Variants in NPRL2 observed in about 807,000 individuals in gnomAD.
The protein encoded by NPRL2 is NPR2 like, GATOR1 complex subunit.
NPRL2 carries 21 observed loss-of-function variants against 51.1 expected under a neutral mutation model. The observed-to-expected ratio is 0.41, with a 90% CI of 0.29 to 0.59. NPRL2 has a LOEUF of 0.59. Ranked by LOEUF, NPRL2 falls within the 20% of genes least tolerant of loss-of-function variation. The probability of loss-of-function intolerance (pLI) is 0.29; values close to 1 mark genes in which losing one functional copy is unlikely to be tolerated. For missense variants in NPRL2, 376 were observed against 483.4 expected, an observed-to-expected ratio of 0.78 and a Z score of 2.08; for synonymous variants, 175 against 187.8, an observed-to-expected ratio of 0.93 and a Z score of 0.56.
rs1036496775 is a variant in NPRL2 at position 50,347,636 on chromosome 3, A to G, written c.1113T>C (p.Asn371=). The G allele has an allele frequency of 8.7e-6, 14 of 1,613,924 alleles. No homozygotes were observed. Among genetic ancestry groups the G allele is most frequent in the Admixed American group, 3.3e-5 (2 of 59,998 alleles). The change falls in exon 11 of 11, where the codon AAT becomes AAC. Residue 371 remains asparagine, a synonymous_variant. Coordinates refer to ENST00000232501, the MANE Select transcript of NPRL2 (RefSeq NM_006545.5). ...SYHELDERLE[N]DPNIIICWK is the part of the protein sequence containing the mutation. ...TCCAGCAGATGATGATGTTGGGGTC[A>G]TTTTCAAGCCGCTCATCCAGCTCAT...
Position 50,347,544 on chromosome 3 carries a change from T to C in NPRL2, c.*62A>G. On this transcript the variant is annotated 3_prime_UTR_variant, in exon 11 of 11. Transcript: ENST00000232501. ...ACTAAGAGTCAACCTCTAGACAGTA[T>C]GACAAGCCTCCTAGTAGGAGGGACT... The C allele has an allele frequency of 1.3e-6, 2 of 1,590,574 alleles. No individual in the cohort carries two copies. The highest frequency in any genetic ancestry group is 1.4e-5 in the African/African-American group (1 of 73,464).
intron 9 of NPRL2, 61 bp from the exon 10 acceptor site, chr3:50,347,962 A>G: frequency 6.2e-6 from 10 of 1,608,458 alleles, no homozygotes; most frequent in Non-Finnish European, 8.5e-6. Context: ...AGGCAGGCCA[A>G]CCCTTTCCTG....
Position 50,350,627 on chromosome 3 carries a change from C to G in NPRL2, c.26G>C (p.Cys9Ser). 1 of 1,608,960 alleles carries G rather than the reference C, an allele frequency of 6.2e-7. No individual in the cohort carries two copies. Among genetic ancestry groups the G allele is most frequent in the South Asian group, 1.1e-5 (1 of 90,170 alleles). MGSGCRIE[C>S]IFFSEFHPTL... ...GGGGTGGAACTCGCTGAAGAATATG[C>G]ATTCGATGCGGCAGCCGCTGCCCAT... Residue 9 changes from cysteine (C) to serine (S), a missense_variant, in exon 1 of 11, where the codon TGC (cysteine) becomes TCC (serine). Coordinates refer to ENST00000232501, the MANE Select transcript of NPRL2 (RefSeq NM_006545.5). This position sits in a 1 kb window ranked among gnomAD's most constrained non-coding sequence, Gnocchi z 5.7.
chr3:50,349,219 C>G lies in NPRL2; in HGVS notation c.448+167G>C, dbSNP rs898879186. On this transcript the variant is annotated intron_variant, in intron 4 of 10. Transcript: ENST00000232501. The surrounding 1 kb of genome is among the most constrained non-coding windows in gnomAD (Gnocchi z 4.6). The stretch of plus-strand genomic sequence containing the variant: ...GAGAGCTCTGCTTTCCCCCTACCCC[C>G]AGTCCCAGCTCCATCATGCATTGGA... The G allele has an allele frequency of 2.4e-6, 2 of 833,060 alleles. No homozygotes were observed. Among genetic ancestry groups the G allele is most frequent in the African/African-American group, 3.4e-5 (2 of 58,898 alleles). The allele number at this position is 833,060 out of a possible 1,614,324, so 51.6% of individuals were successfully genotyped here.
Position 50,350,492 on chromosome 3 carries a change from C to T in NPRL2, c.78+83G>A. 3 of 1,376,592 alleles carry T rather than the reference C, an allele frequency of 2.2e-6. No homozygotes were observed. The highest frequency in any genetic ancestry group is 3.0e-6 in the Non-Finnish European group (3 of 996,162). 85.3% of individuals were successfully genotyped at this position (1,376,592 alleles called of 1,614,324 possible). A position where few individuals can be genotyped will look rare whatever the true frequency, so the allele number is the denominator to read the frequency against. On this transcript the variant is annotated intron_variant, in intron 1 of 10. Transcript: ENST00000232501. This position sits in a 1 kb window ranked among gnomAD's most constrained non-coding sequence, Gnocchi z 5.7. ...TGAAGCAGCATGCCTGCGTGCAGCA[C>T]GGGAAACTACTGCCTTCAGGCAGCC...
At position 50,348,116 on chromosome 3, in the gene NPRL2, C is replaced by G; in HGVS notation, c.932+8G>C. 1 of 1,613,804 alleles carries G rather than the reference C, an allele frequency of 6.2e-7. No homozygotes were observed. Among genetic ancestry groups the G allele is most frequent in the South Asian group, 1.1e-5 (1 of 91,074 alleles). ...ACTCCCAAATGCCCCAGCAAATTCT[C>G]CTCTGACCGTTCATCAACATGCTGC... On this transcript the variant is annotated splice_region_variant and intron_variant, in intron 9 of 10. Transcript: ENST00000232501. The surrounding 1 kb of genome is among the most constrained non-coding windows in gnomAD (Gnocchi z 5.8).
Position 50,349,213 on chromosome 3 carries a change from T to G in NPRL2, c.448+173A>C, listed in dbSNP as rs1703663705. 2.4e-6 allele frequency: 2 copies of G among 830,808 alleles called. No homozygotes were observed. Among genetic ancestry groups the G allele is most frequent in the Non-Finnish European group, 1.9e-6 (1 of 531,860 alleles). 51.5% of individuals were successfully genotyped at this position (830,808 alleles called of 1,614,324 possible). On this transcript the variant is annotated intron_variant, in intron 4 of 10. Coordinates refer to ENST00000232501, the MANE Select transcript of NPRL2 (RefSeq NM_006545.5). This position sits in a 1 kb window ranked among gnomAD's most constrained non-coding sequence, Gnocchi z 4.6. ...GAGCTGGAGAGCTCTGCTTTCCCCC[T>G]ACCCCCAGTCCCAGCTCCATCATGC...
chr3:50,347,772 G>C lies in NPRL2; in HGVS notation c.1062C>G (p.Ile354Met). Reference protein sequence around the residue: ...LYTGCHSYDEICCKTGMSYHE... With the variant: ...LYTGCHSYDEMCCKTGMSYHE... ...GCCTGCCTCCACCTGTCTTGCAGCA[G>C]ATCTCGTCATAGCTGTGGCAGCCTG... Residue 354 changes from isoleucine (I) to methionine (M), a missense_variant, in exon 10 of 11, where the codon ATC (isoleucine) becomes ATG (methionine). Physicochemically the swap from Ile to Met is conservative, Grantham distance 10 (BLOSUM62 1). Transcript: ENST00000232501. 6 of 1,613,954 alleles carry C rather than the reference G, an allele frequency of 3.7e-6. No individual in the cohort carries two copies. Among genetic ancestry groups the C allele is most frequent in the Non-Finnish European group, 5.1e-6 (6 of 1,180,044 alleles).
Position 50,348,128 on chromosome 3 carries a change from C to G in NPRL2, c.928G>C (p.Glu310Gln), listed in dbSNP as rs763049005. 1.2e-5 allele frequency: 19 copies of G among 1,613,980 alleles called. No individual in the cohort carries two copies. Among genetic ancestry groups the G allele is most frequent in the Non-Finnish European group, 1.6e-5 (19 of 1,179,990 alleles). The change falls in exon 9 of 11, where the codon GAA becomes CAA. Residue 310 changes from glutamate (E) to glutamine (Q), a missense_variant. Coordinates refer to ENST00000232501, the MANE Select transcript of NPRL2 (RefSeq NM_006545.5). The surrounding 1 kb of genome is among the most constrained non-coding windows in gnomAD (Gnocchi z 5.8). ...RHPQQLQHVD[E>Q]RKLIQFGLMK... is the part of the protein sequence containing the mutation. ...CCCAGCAAATTCTCCTCTGACCGTT[C>G]ATCAACATGCTGCAGCTGCTGGGGG...
Position 50,348,145 on chromosome 3 carries a change from T to G in NPRL2, c.911A>C (p.Gln304Pro). The G allele has an allele frequency of 6.2e-7, 1 of 1,613,984 alleles. No individual in the cohort carries two copies. Among genetic ancestry groups the G allele is most frequent in the South Asian group, 1.1e-5 (1 of 91,088 alleles). The change falls in exon 9 of 11, where the codon CAG becomes CCG. Residue 304 changes from glutamine (Q) to proline (P), a missense_variant. Coordinates refer to ENST00000232501, the MANE Select transcript of NPRL2 (RefSeq NM_006545.5). This position sits in a 1 kb window ranked among gnomAD's most constrained non-coding sequence, Gnocchi z 5.8. The stretch of plus-strand genomic sequence containing the variant: ...TGACCGTTCATCAACATGCTGCAGC[T>G]GCTGGGGGTGGCGGCCAATGAGGTC... ...VRDLIGRHPQQLQHVDERKLI... is the reference protein window; with the variant it reads ...VRDLIGRHPQPLQHVDERKLI...
rs1281925678 is a variant in NPRL2 at position 50,349,713 on chromosome 3, G to C, written c.291C>G (p.Ala97=). ...FVCDAQAKTC[A]LEPIVKKLAG... ...CCAGCTTTTTAACAATGGGCTCGAGGGCGCAGGTCTTGGCCTGGGCATCAC... is the reference window on the plus strand; with the variant it reads ...CCAGCTTTTTAACAATGGGCTCGAGCGCGCAGGTCTTGGCCTGGGCATCAC... Residue 97 remains alanine, a synonymous_variant, in exon 3 of 11, where the codon GCC becomes GCG. Transcript: ENST00000232501. This position sits in a 1 kb window ranked among gnomAD's most constrained non-coding sequence, Gnocchi z 4.6. 6.2e-7 allele frequency: 1 copy of C among 1,613,898 alleles called. No homozygotes were observed.
rs747558141 is a variant in NPRL2 at position 50,349,635 on chromosome 3, C to T, written c.339+30G>A. 16 of 1,602,406 alleles carry T rather than the reference C, an allele frequency of 1.0e-5. No individual in the cohort carries two copies. The highest frequency in any genetic ancestry group is 6.7e-5 in the African/African-American group (5 of 74,632). On this transcript the variant is annotated intron_variant, in intron 3 of 10. Coordinates refer to ENST00000232501, the MANE Select transcript of NPRL2 (RefSeq NM_006545.5). The surrounding 1 kb of genome is among the most constrained non-coding windows in gnomAD (Gnocchi z 4.6). Reference sequence around the variant, plus strand: ...GAACACCTTCCCCAACTCTGCCTGTCGGTAAACCCAAGCCCATCTCATTGC... The same window carrying T: ...GAACACCTTCCCCAACTCTGCCTGTTGGTAAACCCAAGCCCATCTCATTGC...
intron 9 of NPRL2, 72 bp from the exon 10 acceptor site, chr3:50,347,973 T>C: frequency 6.2e-7 from 1 of 1,604,408 alleles, no homozygotes; most frequent in Non-Finnish European, 8.5e-7. Flanking sequence ...CCCTTTCCTG[T>C]AGTCTCCCTT....
At position 50,348,862 on chromosome 3, in the gene NPRL2, G is replaced by A. The variant is rs1703649249; in HGVS notation, c.585+12C>T. 3 of 1,613,994 alleles carry A rather than the reference G, an allele frequency of 1.9e-6. No individual in the cohort carries two copies. The highest frequency in any genetic ancestry group is 2.5e-6 in the Non-Finnish European group (3 of 1,179,966). ...AGCCCCAGGTGATGATACCCAGGGAGGGATGGCATACTTGTTGTGTAGTGA... is the reference window on the plus strand; with the variant it reads ...AGCCCCAGGTGATGATACCCAGGGAAGGATGGCATACTTGTTGTGTAGTGA... On this transcript the variant is annotated intron_variant, in intron 5 of 10. Coordinates refer to ENST00000232501, the MANE Select transcript of NPRL2 (RefSeq NM_006545.5). The surrounding 1 kb of genome is among the most constrained non-coding windows in gnomAD (Gnocchi z 5.8).
In NPRL2 at chr3:50,348,037, G is replaced by A. The variant is rs746503690; in HGVS notation, c.932+87C>T. 2.8e-5 allele frequency: 45 copies of A among 1,583,548 alleles called. No homozygotes were observed. Among genetic ancestry groups the A allele is most frequent in the African/African-American group, 9.4e-5 (7 of 74,298 alleles). Reference sequence around the variant, plus strand: ...CAGGAAGCCTGCTTGGATTGGCAGTGCCCCATGATCCAGGGCTCCTGAGAG... The same window carrying A: ...CAGGAAGCCTGCTTGGATTGGCAGTACCCCATGATCCAGGGCTCCTGAGAG... On this transcript the variant is annotated intron_variant, in intron 9 of 10. Transcript: ENST00000232501. The surrounding 1 kb of genome is among the most constrained non-coding windows in gnomAD (Gnocchi z 5.8).
chr3:50,349,658 T>C lies in NPRL2; in HGVS notation c.339+7A>G. Reference sequence around the variant, plus strand: ...GTCGGTAAACCCAAGCCCATCTCATTGCAGACCTCTAGTGTGGTCAGATAG... The same window carrying C: ...GTCGGTAAACCCAAGCCCATCTCATCGCAGACCTCTAGTGTGGTCAGATAG... On this transcript the variant is annotated splice_region_variant and intron_variant, in intron 3 of 10. Coordinates refer to ENST00000232501, the MANE Select transcript of NPRL2 (RefSeq NM_006545.5). The surrounding 1 kb of genome is among the most constrained non-coding windows in gnomAD (Gnocchi z 4.6). The C allele has an allele frequency of 6.2e-7, 1 of 1,606,672 alleles. No individual in the cohort carries two copies. Among genetic ancestry groups the C allele is most frequent in the Non-Finnish European group, 8.5e-7 (1 of 1,174,292 alleles).
At position 50,350,694 on chromosome 3, in the gene NPRL2, G is replaced by A. The variant is rs1703729307; in HGVS notation, c.-42C>T. On this transcript the variant is annotated 5_prime_UTR_variant, in exon 1 of 11. Transcript: ENST00000232501. The surrounding 1 kb of genome is among the most constrained non-coding windows in gnomAD (Gnocchi z 5.7). ...AGGCCCGTAGCTCCTCGTTCCTCGC[G>A]CAGAGGCGTCCCCACCTCCTGTGAA... 6.4e-7 allele frequency: 1 copy of A among 1,568,848 alleles called. No homozygotes were observed. The highest frequency in any genetic ancestry group is 8.6e-7 in the Non-Finnish European group (1 of 1,157,772).
chr3:50,349,442 A>G lies in NPRL2; in HGVS notation c.392T>C (p.Ile131Thr), dbSNP rs746390246. ...MEESKQKLVP[I>T]MTILLEELNA... Reference sequence around the variant, plus strand: ...TAGCTCCTCCAGCAAGATGGTCATGATGGGCACCAACTTCTGCTTGCTCTC... The same window carrying G: ...TAGCTCCTCCAGCAAGATGGTCATGGTGGGCACCAACTTCTGCTTGCTCTC... Residue 131 changes from isoleucine to threonine, a missense_variant, in exon 4 of 11, where the codon ATC (isoleucine) becomes ACC (threonine). Physicochemically the swap from Ile to Thr is moderately conservative, Grantham distance 89. Transcript: ENST00000232501. The surrounding 1 kb of genome is among the most constrained non-coding windows in gnomAD (Gnocchi z 4.6). 31 of 1,613,614 alleles carry G rather than the reference A, an allele frequency of 1.9e-5. No homozygotes were observed. The highest frequency in any genetic ancestry group is 2.0e-5 in the Non-Finnish European group (24 of 1,180,002).
Position 50,347,470 on chromosome 3 carries a change from A to G in NPRL2, c.*136T>C, listed in dbSNP as rs1575559208. Reference sequence around the variant, plus strand: ...GCTGGGTCTCCCACGGCTGGCCCAGAAACAGCACTCAATAAAGGCTGTTTG... The same window carrying G: ...GCTGGGTCTCCCACGGCTGGCCCAGGAACAGCACTCAATAAAGGCTGTTTG... On this transcript the variant is annotated 3_prime_UTR_variant, in exon 11 of 11. Transcript: ENST00000232501. The G allele has an allele frequency of 3.5e-6, 4 of 1,134,048 alleles. No individual in the cohort carries two copies. The East Asian group carries it at 1.0e-4, about 29-fold the overall frequency. The allele number at this position is 1,134,048 out of a possible 1,614,324, so 70.2% of individuals were successfully genotyped here.
Sources: gnomAD v4.1 joint callset for allele counts on GRCh38, gnomAD v4.1.1 for gene constraint, Gnocchi (gnomAD v3.1) non-coding constraint, MANE v1.5 for transcripts, NCBI Gene and HGNC (gene_info 2026-07-23, HGNC 2026-07-21) for gene names.